SLC44A3: variants seen among roughly 807,000 people sequenced by gnomAD.
SLC44A3 encodes choline transporter-like protein 3.
In SLC44A3, 74 loss-of-function variants were observed where a neutral mutation model predicts 75.4. The observed-to-expected ratio is 0.98, with a 90% CI of 0.81 to 1.19. The LOEUF (loss-of-function observed/expected upper bound fraction) is 1.19, where lower values mean the gene tolerates loss of function less well. Ranked by LOEUF, SLC44A3 falls within the 50% of genes most tolerant of loss-of-function variation. The probability of loss-of-function intolerance (pLI) is 0.00; values close to 1 mark genes in which losing one functional copy is unlikely to be tolerated. For synonymous variants in SLC44A3, 310 were observed against 296.9 expected (o/e 1.04, Z -0.45); for missense variants, 700 against 778.6 (o/e 0.90, Z 1.20).
chr1:94,857,747 A>G (rs1405294280), intron 10 of SLC44A3, among the ~76,000 whole-genome samples: 1 of 152,064 alleles, frequency 6.6e-6, no homozygotes, highest in Non-Finnish European at 1.5e-5. Context: ...AGACAAACAG[A>G]AAAGAGATCA....
intron 5 of SLC44A3, among the ~76,000 whole-genome samples, chr1:94,835,305 T>C (rs1204859055): frequency 6.6e-6 from 1 of 152,110 alleles, no homozygotes; most frequent in African/African-American, 2.4e-5. Flanking sequence ...TAAACTGTCA[T>C]GACCAAAGAG....
chr1:94,891,152 T>C lies in SLC44A3; in HGVS notation c.1505T>C (p.Ile502Thr), dbSNP rs1405338892. 1.2e-6 allele frequency: 2 copies of C among 1,611,240 alleles called. No homozygotes were observed. Among genetic ancestry groups the C allele is most frequent in the Non-Finnish European group, 1.7e-6 (2 of 1,179,146 alleles). The stretch of plus-strand genomic sequence containing the variant: ...CAGAATGCATATACTACAACTGCTA[T>C]TAATGGGACAGATTTCTGTACATCA... ...LNQNAYTTTA[I>T]NGTDFCTSAK... The change falls in exon 13 of 15, where the codon ATT (isoleucine) becomes ACT (threonine). Residue 502 changes from isoleucine (I) to threonine (T), a missense_variant. Ile to Thr is a moderately conservative substitution (Grantham distance 89). Transcript: ENST00000271227.
Position 94,857,345 on chromosome 1 carries a change from G to C in SLC44A3, c.1083G>C (p.Gln361His). 1 of 1,609,156 alleles carries C rather than the reference G, an allele frequency of 6.2e-7. No homozygotes were observed. The highest frequency in any genetic ancestry group is 8.5e-7 in the Non-Finnish European group (1 of 1,178,326). ...LLSLGTAGAA[Q>H]VMEGGQVEYK... ...TGTTTGAAACTTTAGGAGCTGCCCA[G>C]GTTATGGAAGGCGGCCAAGTGGAAT... The change falls in exon 10 of 15, where the codon CAG (glutamine) becomes CAC (histidine). Residue 361 changes from glutamine (Q) to histidine (H), a missense_variant. Coordinates refer to ENST00000271227, the MANE Select transcript of SLC44A3 (RefSeq NM_001114106.3).
chr1:94,828,338 C>T (rs555927936), intron 4 of SLC44A3, among the ~76,000 whole-genome samples, 155 bp from the exon 5 acceptor site: 1 of 152,346 alleles, frequency 6.6e-6, no homozygotes, highest in East Asian at 1.9e-4. Context: ...GAGGCCCTCA[C>T]TAGACCTCAG....
At chr1:94,859,511 C>T (rs1021382523) in intron 10 of SLC44A3, among the ~76,000 whole-genome samples, 2 of 152,206 alleles carry the variant, frequency 1.3e-5, no homozygotes, top group Non-Finnish European at 2.9e-5. Flanking sequence ...AAATAAGATG[C>T]AGCCTGAAGT....
intron 2 of SLC44A3, among the ~76,000 whole-genome samples, chr1:94,823,923 C>T (rs943068745): frequency 1.3e-5 from 2 of 152,146 alleles, no homozygotes; most frequent in African/African-American, 4.8e-5. Context: ...TGATAGATTG[C>T]AAGATGTTCT....
At chr1:94,827,744 GGA>G in intron 4 of SLC44A3, 101 bp downstream of exon 4, 1 of 1,450,394 alleles carries the variant, frequency 6.9e-7, no homozygotes, top group Non-Finnish European at 9.3e-7. Flanking sequence ...CTGGAAAGCT[GGA>G]AGTTTTACTT....
At chr1:94,854,110 C>T (rs1382696670) in intron 9 of SLC44A3, among the ~76,000 whole-genome samples, 2 of 152,074 alleles carry the variant, frequency 1.3e-5, no homozygotes, top group Non-Finnish European at 2.9e-5. Context: ...GCACTAAAAG[C>T]CACAAGACAG....
intron 12 of SLC44A3, among the ~76,000 whole-genome samples, chr1:94,882,134 A>C (rs1446901104): frequency 6.6e-6 from 1 of 152,208 alleles, no homozygotes; most frequent in East Asian, 1.9e-4. Flanking sequence ...TACACAGTCT[A>C]AGTTTATCTT....
At chr1:94,840,113 T>C in intron 7 of SLC44A3, 76 bp downstream of exon 7, 1 of 1,356,316 alleles carries the variant, frequency 7.4e-7, no homozygotes, top group Non-Finnish European at 1.1e-6. Context: ...AACTTAAAAG[T>C]TGGCATTTTT....
At chr1:94,849,042 AGCCTGTGCCCCTTAACT>A (rs977625827) in intron 9 of SLC44A3, among the ~76,000 whole-genome samples, 2 of 144,736 alleles carry the variant, frequency 1.4e-5, no homozygotes, top group Admixed American at 6.7e-5. Context: ...ATGAACTGCC[AGCCTGTGCCCCTTAACT>A]GCCAGCCTGT....
intron 10 of SLC44A3, among the ~76,000 whole-genome samples, chr1:94,860,357 A>T (rs1034485144): frequency 2.0e-5 from 3 of 152,204 alleles, no homozygotes; most frequent in Admixed American, 1.3e-4. Flanking sequence ...AAAGACAAAG[A>T]GACACAAAAT....
chr1:94,849,717 G>A (rs771375252), intron 9 of SLC44A3, among the ~76,000 whole-genome samples: 13 of 152,170 alleles, frequency 8.5e-5, no homozygotes, highest in East Asian at 1.9e-4. Context: ...GTGTGTGGGC[G>A]TCCTCAGTAC....
chr1:94,880,841 T>C (rs1668879829), intron 12 of SLC44A3, among the ~76,000 whole-genome samples: 1 of 151,354 alleles, frequency 6.6e-6, no homozygotes, highest in Non-Finnish European at 1.5e-5. Flanking sequence ...TTAACACTAC[T>C]GAACTCTACA....
At chr1:94,868,410 G>A (rs866779426) in intron 12 of SLC44A3, among the ~76,000 whole-genome samples, 48 of 152,252 alleles carry the variant, frequency 3.2e-4, no homozygotes, top group Admixed American at 7.8e-4. Context: ...GAAAAATGTA[G>A]CCTTCTTATA....
intron 12 of SLC44A3, among the ~76,000 whole-genome samples, chr1:94,872,133 C>A (rs1571386082): frequency 6.6e-6 from 1 of 152,082 alleles, no homozygotes; most frequent in Non-Finnish European, 1.5e-5. Flanking sequence ...CAGAGTTTCA[C>A]TCTTGTTGCC....
intron 14 of SLC44A3, 103 bp downstream of exon 14, chr1:94,892,620 C>T (rs985197364): frequency 3.3e-5 from 38 of 1,146,416 alleles, no homozygotes; most frequent in Non-Finnish European, 4.7e-5. Context: ...CCTCTCTCTT[C>T]TAGAGGGCTC....
chr1:94,876,544 A>G (rs1439517269), intron 12 of SLC44A3, among the ~76,000 whole-genome samples: 1 of 152,240 alleles, frequency 6.6e-6, no homozygotes, highest in South Asian at 2.1e-4. Flanking sequence ...TAGAGAATGC[A>G]TTCATAAAAA....
intron 1 of SLC44A3, 185 bp downstream of exon 1, chr1:94,820,663 AGGCG>A (rs1416874195): frequency 1.4e-6 from 2 of 1,382,446 alleles, no homozygotes; most frequent in Non-Finnish European, 1.9e-6. Flanking sequence ...GCTGGGGCGG[AGGCG>A]GGGGAGACGC....
Sources: allele counts gnomAD v4.1 joint callset (sites outside exome capture counted in the v4.1 genomes callset), GRCh38; gene constraint gnomAD v4.1.1; transcripts MANE v1.5; gene names NCBI Gene and HGNC (gene_info 2026-07-23, HGNC 2026-07-21).